Variants in SHISA9 observed in about 807,000 individuals in gnomAD.
The protein encoded by SHISA9 is shisa family member 9.
In SHISA9, 13 loss-of-function variants were observed where a neutral mutation model predicts 38.0. That is an observed-to-expected ratio of 0.34 (90% CI 0.22 to 0.54). SHISA9 has a LOEUF of 0.54. SHISA9 is among the 20% of genes least tolerant of loss of function. The pLI is 0.91. For synonymous variants in SHISA9, 275 were observed against 242.0 expected (o/e 1.14, Z -1.27); for missense variants, 538 against 575.8 (o/e 0.93, Z 0.67).
chr16:13,388,399 C>T, the SHISA9 span, among the ~76,000 whole-genome samples: 2 of 151,690 alleles, frequency 1.3e-5, no homozygotes. Flanking sequence ...GCAACCTCCA[C>T]CTCCCAAGTT....
chr16:13,548,009 A>C, the SHISA9 span, among the ~76,000 whole-genome samples: 17,463 of 152,168 alleles, frequency 0.11, 1,094 homozygotes, highest in Non-Finnish European at 0.15. Flanking sequence ...TACTGGTATA[A>C]AAACAGAGAC....
intron 2 of SHISA9, among the ~76,000 whole-genome samples, chr16:12,955,915 C>T (rs997456874): frequency 6.6e-6 from 1 of 152,092 alleles, no homozygotes; most frequent in Non-Finnish European, 1.5e-5. Flanking sequence ...ATGAGACTTA[C>T]TTTAATTAAA....
chr16:12,965,652 C>A (rs1468723286), intron 2 of SHISA9, among the ~76,000 whole-genome samples: 2 of 152,178 alleles, frequency 1.3e-5, no homozygotes, highest in Non-Finnish European at 2.9e-5. Flanking sequence ...ATGGAGTGTG[C>A]AGGGTCTGGG....
chr16:13,382,798 C>A, the SHISA9 span, among the ~76,000 whole-genome samples: 1 of 152,054 alleles, frequency 6.6e-6, no homozygotes, highest in African/African-American at 2.4e-5. Flanking sequence ...GCAGAAGCTG[C>A]AGTGAGCCGA....
At chr16:13,355,562 G>T in the SHISA9 span, among the ~76,000 whole-genome samples, 1 of 152,058 alleles carries the variant, frequency 6.6e-6, no homozygotes, top group Non-Finnish European at 1.5e-5. Context: ...GGGCAGGTGG[G>T]GATAACTGAA....
At chr16:13,444,021 C>G in the SHISA9 span, among the ~76,000 whole-genome samples, 1 of 152,190 alleles carries the variant, frequency 6.6e-6, no homozygotes, top group Non-Finnish European at 1.5e-5. Context: ...ACAAAACCAT[C>G]TTAGAAGGAA....
chr16:13,308,608 C>A, the SHISA9 span, among the ~76,000 whole-genome samples: 1 of 152,190 alleles, frequency 6.6e-6, no homozygotes, highest in Non-Finnish European at 1.5e-5. Context: ...CCCACTCCCA[C>A]CATAACTCTT....
chr16:13,116,027 A>G (rs1474372604), intron 2 of SHISA9, among the ~76,000 whole-genome samples: 2 of 152,140 alleles, frequency 1.3e-5, no homozygotes, highest in Non-Finnish European at 2.9e-5. Context: ...TTAATTCTTC[A>G]TTCTGCCTTA....
chr16:12,944,285 T>A (rs2071661234), intron 2 of SHISA9, among the ~76,000 whole-genome samples: 1 of 152,250 alleles, frequency 6.6e-6, no homozygotes, highest in East Asian at 1.9e-4. Context: ...ATTAATTTGC[T>A]TTGAACTCTT....
intron 2 of SHISA9, among the ~76,000 whole-genome samples, chr16:13,067,748 G>A (rs1445960602): frequency 6.6e-6 from 1 of 152,192 alleles, no homozygotes; most frequent in Non-Finnish European, 1.5e-5. Flanking sequence ...CACGTCCCCA[G>A]TCCGCCTGCA....
At chr16:12,916,216 A>G (rs2071254700) in intron 1 of SHISA9, among the ~76,000 whole-genome samples, 1 of 152,134 alleles carries the variant, frequency 6.6e-6, no homozygotes, top group South Asian at 2.1e-4. Flanking sequence ...AATAATCCTC[A>G]TAATGTGTTT....
intron 2 of SHISA9, among the ~76,000 whole-genome samples, chr16:13,092,246 G>T (rs2073782437): frequency 6.6e-6 from 1 of 152,220 alleles, no homozygotes; most frequent in Non-Finnish European, 1.5e-5. Flanking sequence ...GCCCCTGCTG[G>T]GAGGTGTCTC....
chr16:13,022,937 C>T (rs796412875), intron 2 of SHISA9, among the ~76,000 whole-genome samples: 6 of 152,320 alleles, frequency 3.9e-5, no homozygotes, highest in African/African-American at 1.4e-4. Flanking sequence ...TTAGGGGCCA[C>T]CCCATAATCC....
intron 3 of SHISA9, among the ~76,000 whole-genome samples, chr16:13,207,517 C>G (rs1202267295): frequency 1.3e-5 from 2 of 152,010 alleles, no homozygotes; most frequent in African/African-American, 2.4e-5. Flanking sequence ...TCTAATACCT[C>G]CTAGAAAACT....
chr16:13,406,893 A>G, the SHISA9 span, among the ~76,000 whole-genome samples: 1 of 151,754 alleles, frequency 6.6e-6, no homozygotes, highest in Non-Finnish European at 1.5e-5. Context: ...ACATAGAGAA[A>G]CCCCATCTCT....
At chr16:13,052,354 A>G (rs533946141) in intron 2 of SHISA9, among the ~76,000 whole-genome samples, 2 of 152,154 alleles carry the variant, frequency 1.3e-5, no homozygotes, top group Non-Finnish European at 1.5e-5. Context: ...GTCACCTGAA[A>G]TATTTGGCTC....
intron 2 of SHISA9, among the ~76,000 whole-genome samples, chr16:13,121,150 AC>A (rs1199221194): frequency 6.6e-6 from 1 of 151,650 alleles, no homozygotes; most frequent in Non-Finnish European, 1.5e-5. Flanking sequence ...ACAGGGGGAG[AC>A]CCCCTGTCTC....
chr16:13,023,689 C>G (rs1028972836), intron 2 of SHISA9, among the ~76,000 whole-genome samples: 1 of 152,154 alleles, frequency 6.6e-6, no homozygotes, highest in Non-Finnish European at 1.5e-5. Flanking sequence ...CCGTTGTTTC[C>G]TGACTTTTTA....
At chr16:13,262,658 A>G in the SHISA9 span, among the ~76,000 whole-genome samples, 59 of 51,844 alleles carry the variant, frequency 1.1e-3, 2 homozygotes, top group Admixed American at 3.8e-3. Flanking sequence ...GGAAGGAAGG[A>G]AGGAAGGAAG....
Sources: allele counts gnomAD v4.1 joint callset (sites outside exome capture counted in the v4.1 genomes callset), GRCh38; gene constraint gnomAD v4.1.1; transcripts MANE v1.5; gene names NCBI Gene and HGNC (gene_info 2026-07-23, HGNC 2026-07-21).